Variants in ITGB6 observed in about 807,000 individuals in gnomAD.
The protein encoded by ITGB6 is integrin subunit beta 6.
Under a neutral mutation model 84.5 loss-of-function variants are expected in ITGB6, and 80 were observed. That is an observed-to-expected ratio of 0.95 (90% CI 0.79 to 1.14). The LOEUF is 1.14. ITGB6 is among the 50% of genes most tolerant of loss of function. The pLI, the probability that ITGB6 is intolerant of heterozygous loss-of-function variation, is 0.00. For missense variants in ITGB6, 1,006 were observed against 968.0 expected, an observed-to-expected ratio of 1.04 and a Z score of -0.52; for synonymous variants, 383 against 354.9, an observed-to-expected ratio of 1.08 and a Z score of -0.89.
At chr2:160,163,540 G>A (rs1403167698) in intron 7 of ITGB6, among the ~76,000 whole-genome samples, 2 of 152,090 alleles carry the variant, frequency 1.3e-5, no homozygotes, top group African/African-American at 4.8e-5. Context: ...GCTGAGGCTG[G>A]AGAATCTCTT....
rs1682551886 is a variant in ITGB6 at position 160,112,105 on chromosome 2, G to A, written c.2076C>T (p.Thr692=). The A allele has an allele frequency of 1.2e-6, 2 of 1,612,902 alleles. No homozygotes were observed. The highest frequency in any genetic ancestry group is 1.7e-6 in the Non-Finnish European group (2 of 1,179,626). The change falls in exon 13 of 15, where the codon ACC becomes ACT. Residue 692 remains threonine, a synonymous_variant. Coordinates refer to ENST00000283249, the MANE Select transcript of ITGB6 (RefSeq NM_000888.5). The stretch of plus-strand genomic sequence containing the variant: ...CTTTTTCATTGATGCTGTGAATGAT[G>A]GTTTTCCCCTCATTATCTGTAGTTA... The part of the protein sequence containing the change: ...FLITTDNEGK[T]IIHSINEKDC...
chr2:160,126,344 T>A (rs374017214), intron 11 of ITGB6, 35 bp downstream of exon 11: 3 of 1,583,924 alleles, frequency 1.9e-6, no homozygotes, highest in Non-Finnish European at 2.6e-6. Flanking sequence ...TATAAACCTA[T>A]CCACATAAGG....
intron 4 of ITGB6, among the ~76,000 whole-genome samples, chr2:160,179,456 T>A (rs1041913306): frequency 6.7e-6 from 1 of 149,720 alleles, no homozygotes; most frequent in Admixed American, 6.7e-5. Context: ...TGGTGCCATC[T>A]CAGCTCACTG....
At chr2:160,115,156 C>A (rs1162962580) in intron 12 of ITGB6, among the ~76,000 whole-genome samples, 3 of 152,226 alleles carry the variant, frequency 2.0e-5, no homozygotes, top group Non-Finnish European at 2.9e-5. Flanking sequence ...TAGTGGTTCT[C>A]CCAGCACACA....
intron 13 of ITGB6, among the ~76,000 whole-genome samples, chr2:160,110,861 C>T (rs1682471947): frequency 6.6e-6 from 1 of 152,148 alleles, no homozygotes; most frequent in South Asian, 2.1e-4. Context: ...CCTGGAAGTG[C>T]CAGGCCTACC....
chr2:160,139,429 G>A (rs1218292489), intron 8 of ITGB6, among the ~76,000 whole-genome samples: 1 of 152,104 alleles, frequency 6.6e-6, no homozygotes, highest in Non-Finnish European at 1.5e-5. Flanking sequence ...TTATGTGTAA[G>A]TTTGCCAAAT....
chr2:160,136,845 G>T (rs1050780908), intron 10 of ITGB6, among the ~76,000 whole-genome samples: 3 of 147,480 alleles, frequency 2.0e-5, no homozygotes, highest in African/African-American at 7.5e-5. Flanking sequence ...GGTTGGAATT[G>T]AACAATGAGA....
chr2:160,141,964 A>C lies in ITGB6; in HGVS notation c.1107+18T>G. 1 of 1,514,860 alleles carries C rather than the reference A, an allele frequency of 6.6e-7. No individual in the cohort carries two copies. The highest frequency in any genetic ancestry group is 1.2e-5 in the South Asian group (1 of 85,552). 93.8% of individuals were successfully genotyped at this position (1,514,860 alleles called of 1,614,324 possible). On this transcript the variant is annotated intron_variant, in intron 8 of 14. Transcript: ENST00000283249. The stretch of plus-strand genomic sequence containing the variant: ...ACCAAAGAAATGCAAAAAAGAAGCC[A>C]GCTGTAAAATATCCTACTTCATAAG...
At chr2:160,134,213 T>C (rs1210557293) in intron 10 of ITGB6, among the ~76,000 whole-genome samples, 1 of 152,122 alleles carries the variant, frequency 6.6e-6, no homozygotes, top group Non-Finnish European at 1.5e-5. Flanking sequence ...CAAAAAATGA[T>C]AAACGGGATA....
intron 4 of ITGB6, among the ~76,000 whole-genome samples, chr2:160,183,316 C>CA (rs1685762008): frequency 1.3e-5 from 2 of 150,618 alleles, no homozygotes; most frequent in African/African-American, 2.4e-5. Context: ...AAATGGAAAG[C>CA]AAAAAAAAGC....
intron 7 of ITGB6, among the ~76,000 whole-genome samples, chr2:160,164,352 G>A (rs558411116): frequency 2.3e-4 from 35 of 152,280 alleles, no homozygotes; most frequent in Non-Finnish European, 4.3e-4. Context: ...TATCCTGTGC[G>A]TTGTAAATCT....
In ITGB6 at chr2:160,107,660, G is replaced by T; in HGVS notation, c.2268+19C>A. 1 of 1,612,358 alleles carries T rather than the reference G, an allele frequency of 6.2e-7. No homozygotes were observed. Among genetic ancestry groups the T allele is most frequent in the Non-Finnish European group, 8.5e-7 (1 of 1,178,516 alleles). On this transcript the variant is annotated intron_variant, in intron 14 of 14. Coordinates refer to ENST00000283249, the MANE Select transcript of ITGB6 (RefSeq NM_000888.5). ...CTCTTTCTCCCCTAGACAAGGAGTA[G>T]CCCTAAGTTTCCACATACCGTTTGC...
chr2:160,161,701 T>C (rs1684821855), intron 7 of ITGB6, among the ~76,000 whole-genome samples: 1 of 150,090 alleles, frequency 6.7e-6, no homozygotes, highest in Admixed American at 6.7e-5. Flanking sequence ...CACTTTTCTT[T>C]TTGCAAATAG....
chr2:160,134,391 T>C (rs919961530), intron 10 of ITGB6, among the ~76,000 whole-genome samples: 1 of 152,024 alleles, frequency 6.6e-6, no homozygotes, highest in African/African-American at 2.4e-5. Flanking sequence ...AATAACAGGC[T>C]CTGAAATTGA....
At chr2:160,119,551 A>C (rs1474445934) in intron 12 of ITGB6, among the ~76,000 whole-genome samples, 2 of 151,918 alleles carry the variant, frequency 1.3e-5, no homozygotes, top group East Asian at 3.8e-4. Context: ...TAGACCTAAA[A>C]CCATAAAAAC....
chr2:160,135,874 C>A (rs1372856219), intron 10 of ITGB6, among the ~76,000 whole-genome samples: 1 of 152,086 alleles, frequency 6.6e-6, no homozygotes. Context: ...AAACTGGATC[C>A]CTTCCTTACA....
chr2:160,103,622 T>C (rs924838870), intron 14 of ITGB6, among the ~76,000 whole-genome samples: 1 of 152,106 alleles, frequency 6.6e-6, no homozygotes, highest in Non-Finnish European at 1.5e-5. Flanking sequence ...GGAGTCTCAT[T>C]TGCAAACAAA....
At chr2:160,199,031 T>G (rs568075187) in intron 2 of ITGB6, 148 bp downstream of exon 2, 1 of 565,546 alleles carries the variant, frequency 1.8e-6, no homozygotes, top group East Asian at 2.9e-5. Context: ...CATTTTGATC[T>G]ACCAATGCTC....
intron 1 of ITGB6, 30 bp from the exon 2 acceptor site, chr2:160,199,288 T>A: frequency 3.9e-6 from 6 of 1,521,010 alleles, no homozygotes; most frequent in Non-Finnish European, 5.5e-6. Flanking sequence ...GATGCAGGGA[T>A]TAAGTACACT....
Sources: gnomAD v4.1 joint callset for allele counts (sites outside exome capture counted in the v4.1 genomes callset) on GRCh38, gnomAD v4.1.1 for gene constraint, MANE v1.5 for transcripts, NCBI Gene and HGNC (gene_info 2026-07-23, HGNC 2026-07-21) for gene names.